Variants in ZNF772 observed in about 807,000 individuals in gnomAD.
The protein encoded by ZNF772 is zinc finger protein 772.
In ZNF772, 8 loss-of-function variants were observed where a neutral mutation model predicts 11.0. The observed-to-expected ratio is 0.73, with a 90% CI of 0.43 to 1.31. The LOEUF (loss-of-function observed/expected upper bound fraction) is 1.31. ZNF772 is among the 50% of genes most tolerant of loss of function. The probability of loss-of-function intolerance (pLI) is 0.01; values close to 1 mark genes in which losing one functional copy is unlikely to be tolerated. For missense variants in ZNF772, 496 were observed against 552.3 expected, an observed-to-expected ratio of 0.90 and a Z score of 1.02; for synonymous variants, 155 against 180.4, an observed-to-expected ratio of 0.86 and a Z score of 1.13.
In ZNF772 at chr19:57,470,373, A is replaced by G. The variant is rs1044830885; in HGVS notation, c.*2901T>C. 1 of 152,140 alleles carries G rather than the reference A, an allele frequency of 6.6e-6. No homozygotes were observed. Among genetic ancestry groups the G allele is most frequent in the African/African-American group, 2.4e-5 (1 of 41,420 alleles). 9.4% of individuals were successfully genotyped at this position (152,140 alleles called of 1,614,324 possible). A position where few individuals can be genotyped will look rare whatever the true frequency, so the allele number is the denominator to read the frequency against. The stretch of plus-strand genomic sequence containing the variant: ...GCAAGACACTGTCTCAAAAAAAAAA[A>G]TGAAACCACATCAAGCTTGATGGGA... On this transcript the variant is annotated 3_prime_UTR_variant, in exon 4 of 4. Coordinates refer to ENST00000356584, the MANE Select transcript of ZNF772 (RefSeq NM_001144068.2).
chr19:57,473,153 G>T lies in ZNF772; in HGVS notation c.*121C>A. ...TGGCACTCGGAAGAACCTCCCCAGG[G>T]TGAGTGTTTGAGTGTATAAAGTTCT... On this transcript the variant is annotated 3_prime_UTR_variant, in exon 4 of 4. Coordinates refer to ENST00000356584, the MANE Select transcript of ZNF772 (RefSeq NM_001144068.2). 4 of 965,818 alleles carry T rather than the reference G, an allele frequency of 4.1e-6. No individual in the cohort carries two copies. The highest frequency in any genetic ancestry group is 3.0e-6 in the Non-Finnish European group (2 of 666,732). 59.8% of individuals were successfully genotyped at this position (965,818 alleles called of 1,614,324 possible).
chr19:57,475,019 C>T lies in ZNF772; in HGVS notation c.200-598G>A. ...ACATCACACCTTTCCCCAGCTCCTA[C>T]TCACCAGGGTCACTCCCACCTGGAG... On this transcript the variant is annotated intron_variant, in intron 3 of 3. Coordinates refer to ENST00000356584, the MANE Select transcript of ZNF772 (RefSeq NM_001144068.2). This position sits in a 1 kb window ranked among gnomAD's most constrained non-coding sequence, Gnocchi z 4.2. 6.2e-7 allele frequency: 1 copy of T among 1,614,142 alleles called. No individual in the cohort carries two copies. Among genetic ancestry groups the T allele is most frequent in the Non-Finnish European group, 8.5e-7 (1 of 1,180,006 alleles).
Position 57,476,251 on chromosome 19 carries a change from CTCTTT to C in ZNF772, c.72+378_72+382del, listed in dbSNP as rs772062721. On this transcript the variant is annotated intron_variant, in intron 2 of 3. Coordinates refer to ENST00000356584, the MANE Select transcript of ZNF772 (RefSeq NM_001144068.2). Reference sequence around the variant, plus strand: ...GCACTACCACTGTGAAATGAATATTCTCTTTTAACTCCCAATCTACATAATCATCT... The same window carrying C: ...GCACTACCACTGTGAAATGAATATTCTAACTCCCAATCTACATAATCATCT... The C allele has an allele frequency of 2.3e-4, 69 of 296,462 alleles. 1 individual carries two copies. The Middle Eastern group carries it at 3.4e-3, about 15-fold the overall frequency. The allele number at this position is 296,462 out of a possible 1,614,324, so 18.4% of individuals were successfully genotyped here. A position where few individuals can be genotyped will look rare whatever the true frequency, so the allele number is the denominator to read the frequency against.
In ZNF772 at chr19:57,472,097, C is replaced by A. The variant is rs1313567442; in HGVS notation, c.*1177G>T. 2.2e-6 allele frequency: 1 copy of A among 456,092 alleles called. No individual in the cohort carries two copies. The highest frequency in any genetic ancestry group is 4.4e-6 in the Non-Finnish European group (1 of 226,918). 28.3% of individuals were successfully genotyped at this position (456,092 alleles called of 1,614,324 possible). A position where few individuals can be genotyped will look rare whatever the true frequency, so the allele number is the denominator to read the frequency against. ...AAGAGACACAGGTATGGAAATATTT[C>A]TGTAAACCCTCATAATGGAGCCAGA... On this transcript the variant is annotated 3_prime_UTR_variant, in exon 4 of 4. Coordinates refer to ENST00000356584, the MANE Select transcript of ZNF772 (RefSeq NM_001144068.2).
In ZNF772 at chr19:57,472,152, A is replaced by T. The variant is rs1445912446; in HGVS notation, c.*1122T>A. 3 of 456,166 alleles carry T rather than the reference A, an allele frequency of 6.6e-6. No individual in the cohort carries two copies. Among genetic ancestry groups the T allele is most frequent in the Non-Finnish European group, 1.3e-5 (3 of 226,970 alleles). The allele number at this position is 456,166 out of a possible 1,614,324, so 28.3% of individuals were successfully genotyped here. On this transcript the variant is annotated 3_prime_UTR_variant, in exon 4 of 4. Coordinates refer to ENST00000356584, the MANE Select transcript of ZNF772 (RefSeq NM_001144068.2). ...TGGAAACACATGTGGATGTACCTTT[A>T]GAAGGGTCATATTCCCTATAGTTTG...
In ZNF772 at chr19:57,475,840, C is replaced by A; in HGVS notation, c.73-54G>T. On this transcript the variant is annotated intron_variant, in intron 2 of 3. Coordinates refer to ENST00000356584, the MANE Select transcript of ZNF772 (RefSeq NM_001144068.2). This position sits in a 1 kb window ranked among gnomAD's most constrained non-coding sequence, Gnocchi z 4.2. ...GAGCAGCATCTCTCCCAAGAACCCC[C>A]ATCCGTGCCCCCACACATCTCCCTC... 6.4e-7 allele frequency: 1 copy of A among 1,551,846 alleles called. No homozygotes were observed. The highest frequency in any genetic ancestry group is 8.7e-7 in the Non-Finnish European group (1 of 1,149,668).
At chr19:57,476,487 T>C in intron 2 of ZNF772, 147 bp downstream of exon 2, 1 of 953,372 alleles carries the variant, frequency 1.0e-6, no homozygotes, top group East Asian at 2.5e-5. Context: ...TGGCCCGGAG[T>C]CAGGACCCTG....
In ZNF772 at chr19:57,475,600, G is replaced by GA. The variant is rs2089273596; in HGVS notation, c.199+59dup. On this transcript the variant is annotated intron_variant, in intron 3 of 3. Transcript: ENST00000356584. The surrounding 1 kb of genome is among the most constrained non-coding windows in gnomAD (Gnocchi z 4.2). ...GATGTAGGAAGGACAAAGATGCCCT[G>GA]AAAAAAAGGGGAAGGGCAGGACCCA... 4 of 1,610,280 alleles carry GA rather than the reference G, an allele frequency of 2.5e-6. No individual in the cohort carries two copies. The highest frequency in any genetic ancestry group is 3.4e-6 in the Non-Finnish European group (4 of 1,177,450).
Position 57,473,432 on chromosome 19 carries a change from C to T in ZNF772, c.1189G>A (p.Glu397Lys), listed in dbSNP as rs780846126. 3 of 1,613,918 alleles carry T rather than the reference C, an allele frequency of 1.9e-6. No homozygotes were observed. In the African/African-American group the frequency reaches 4.0e-5, roughly 22 times the overall value. Residue 397 changes from glutamate (E) to lysine (K), a missense_variant, in exon 4 of 4, where the codon GAA (glutamate) becomes AAA (lysine). Glu to Lys is a moderately conservative substitution (Grantham distance 56). Coordinates refer to ENST00000356584, the MANE Select transcript of ZNF772 (RefSeq NM_001144068.2). ...HNGEKPYVCS[E>K]CGKAFSHKHV... ...TTGTGGCTAAAGGCTTTTCCACATT[C>T]ACTGCACACATAAGGCTTTTCACCA...
intron 1 of ZNF772, 99 bp from the exon 2 acceptor site, chr19:57,476,771 G>C: frequency 9.4e-7 from 1 of 1,062,096 alleles, no homozygotes; most frequent in Non-Finnish European, 1.4e-6. Context: ...ATGTGCCTGG[G>C]AGCTGAATGT....
chr19:57,476,368 T>C (rs2089283401), intron 2 of ZNF772: 1 of 494,344 alleles, frequency 2.0e-6, no homozygotes, highest in South Asian at 2.8e-5. Context: ...AAAACTCCCT[T>C]CTCAGTCTCA....
chr19:57,473,572 T>A lies in ZNF772; in HGVS notation c.1049A>T (p.Tyr350Phe). Residue 350 changes from tyrosine to phenylalanine, a missense_variant, in exon 4 of 4, where the codon TAC (tyrosine) becomes TTC (phenylalanine). By Grantham distance (22) the Tyr-to-Phe change is conservative. Transcript: ENST00000356584. ...SECGKYFGHKYRLIKHWSVHT... is the reference protein window; with the variant it reads ...SECGKYFGHKFRLIKHWSVHT... Reference sequence around the variant, plus strand: ...AACACTCCAATGTTTAATGAGTCTGTATTTGTGACCAAAGTATTTTCCACA... The same window carrying A: ...AACACTCCAATGTTTAATGAGTCTGAATTTGTGACCAAAGTATTTTCCACA... 1 of 1,613,020 alleles carries A rather than the reference T, an allele frequency of 6.2e-7. No individual in the cohort carries two copies. The highest frequency in any genetic ancestry group is 1.1e-5 in the South Asian group (1 of 91,030).
intron 3 of ZNF772, chr19:57,474,921 A>G: frequency 6.6e-7 from 1 of 1,521,836 alleles, no homozygotes; most frequent in Non-Finnish European, 8.9e-7. Context: ...CCAGAGTATG[A>G]AAGGCCAGTG....
chr19:57,473,065 T>A lies in ZNF772; in HGVS notation c.*209A>T. On this transcript the variant is annotated 3_prime_UTR_variant, in exon 4 of 4. Transcript: ENST00000356584. ...CAGATGGCTTCTAACAGGCACTGCC[T>A]TGACGAAATTCCAGCAAGAGTCTAG... 1.7e-6 allele frequency: 1 copy of A among 587,558 alleles called. No homozygotes were observed. Among genetic ancestry groups the A allele is most frequent in the Non-Finnish European group, 3.0e-6 (1 of 335,468 alleles). 36.4% of individuals were successfully genotyped at this position (587,558 alleles called of 1,614,324 possible).
chr19:57,477,358 T>A lies in ZNF772; in HGVS notation c.-49A>T. The A allele has an allele frequency of 1.2e-6, 2 of 1,610,594 alleles. No homozygotes were observed. The highest frequency in any genetic ancestry group is 1.7e-6 in the Non-Finnish European group (2 of 1,178,264). On this transcript the variant is annotated 5_prime_UTR_variant, in exon 1 of 4. Coordinates refer to ENST00000356584, the MANE Select transcript of ZNF772 (RefSeq NM_001144068.2). ...TGGCGACAAGTGCAGGAACCTGGGATCAGCTGTCCAGGGCCCAGCCCAGCG... is the reference window on the plus strand; with the variant it reads ...TGGCGACAAGTGCAGGAACCTGGGAACAGCTGTCCAGGGCCCAGCCCAGCG...
Position 57,475,133 on chromosome 19 carries a change from G to C in ZNF772, c.199+527C>G. 1 of 1,614,216 alleles carries C rather than the reference G, an allele frequency of 6.2e-7. No individual in the cohort carries two copies. The highest frequency in any genetic ancestry group is 1.3e-5 in the African/African-American group (1 of 75,054). ...CCAGTGAGGCAACTATGTGGGACATGAAAGATGTATGTCCTAAGGGAAAGA... is the reference window on the plus strand; with the variant it reads ...CCAGTGAGGCAACTATGTGGGACATCAAAGATGTATGTCCTAAGGGAAAGA... On this transcript the variant is annotated intron_variant, in intron 3 of 3. Coordinates refer to ENST00000356584, the MANE Select transcript of ZNF772 (RefSeq NM_001144068.2). The surrounding 1 kb of genome is among the most constrained non-coding windows in gnomAD (Gnocchi z 4.2).
Position 57,475,772 on chromosome 19 carries a change from A to C in ZNF772, c.87T>G (p.Phe29Leu). ...GGGAGAAGTACACGAACACGTCCTC[A>C]AAGTTCACCTGCCCCTGCCACAATC... ...IVDPIQGQVN[F>L]EDVFVYFSQE... The change falls in exon 3 of 4, where the codon TTT (phenylalanine) becomes TTG (leucine). Residue 29 changes from phenylalanine (F) to leucine (L), a missense_variant. Physicochemically the swap from Phe to Leu is conservative, Grantham distance 22 (BLOSUM62 0). Coordinates refer to ENST00000356584, the MANE Select transcript of ZNF772 (RefSeq NM_001144068.2). This position sits in a 1 kb window ranked among gnomAD's most constrained non-coding sequence, Gnocchi z 4.2. 6.2e-7 allele frequency: 1 copy of C among 1,603,902 alleles called. No individual in the cohort carries two copies. The highest frequency in any genetic ancestry group is 2.2e-5 in the East Asian group (1 of 44,862).
rs1318556269 is a variant in ZNF772 at position 57,473,647 on chromosome 19, A to G, written c.974T>C (p.Val325Ala). 1 of 1,614,146 alleles carries G rather than the reference A, an allele frequency of 6.2e-7. No homozygotes were observed. Among genetic ancestry groups the G allele is most frequent in the South Asian group, 1.1e-5 (1 of 91,076 alleles). Residue 325 changes from valine (V) to alanine (A), a missense_variant, in exon 4 of 4, where the codon GTT (valine) becomes GCT (alanine). Val to Ala is a moderately conservative substitution (Grantham distance 64, BLOSUM62 0). Coordinates refer to ENST00000356584, the MANE Select transcript of ZNF772 (RefSeq NM_001144068.2). ...TCCAGTATGGATACTCTCATGCTGA[A>G]CAAGTGTAGATTTGTGACTATAGGC... The part of the protein sequence containing the change: ...GKAYSHKSTL[V>A]QHESIHTGER...
rs1355099773 is a variant in ZNF772, at chr19:57,475,618, A to T, written c.199+42T>A. 1 of 1,612,932 alleles carries T rather than the reference A, an allele frequency of 6.2e-7. No homozygotes were observed. Among genetic ancestry groups the T allele is most frequent in the African/African-American group, 1.3e-5 (1 of 74,924 alleles). On this transcript the variant is annotated intron_variant, in intron 3 of 3. Coordinates refer to ENST00000356584, the MANE Select transcript of ZNF772 (RefSeq NM_001144068.2). The surrounding 1 kb of genome is among the most constrained non-coding windows in gnomAD (Gnocchi z 4.2). ...ATGCCCTGAAAAAAAGGGGAAGGGC[A>T]GGACCCAGTCCAAGTCACTGGGGTG...
Sources: gnomAD v4.1 joint callset for allele counts on GRCh38, gnomAD v4.1.1 for gene constraint, Gnocchi (gnomAD v3.1) non-coding constraint, MANE v1.5 for transcripts, NCBI Gene and HGNC (gene_info 2026-07-23, HGNC 2026-07-21) for gene names.